UBASH3A: variants seen among roughly 807,000 people sequenced by gnomAD.
The protein encoded by UBASH3A is ubiquitin associated and SH3 domain containing A.
A neutral mutation model predicts 73.5 loss-of-function variants in UBASH3A; 63 were observed. The ratio of observed to expected loss-of-function variants is 0.86; its 90% CI spans 0.70 to 1.06. The LOEUF (loss-of-function observed/expected upper bound fraction) is 1.06, where lower values mean the gene tolerates loss of function less well. Ranked by LOEUF, UBASH3A falls within the 50% of genes least tolerant of loss-of-function variation. The pLI, the probability that UBASH3A is intolerant of heterozygous loss-of-function variation, is 0.00. For synonymous variants in UBASH3A, 363 were observed against 351.1 expected (o/e 1.03, Z -0.38); for missense variants, 860 against 859.0 (o/e 1.00, Z -0.02).
intron 7 of UBASH3A, among the ~76,000 whole-genome samples, chr21:42,421,385 C>G (rs56313465): frequency 0.02 from 3,085 of 152,318 alleles, 103 homozygotes; most frequent in African/African-American, 0.07. Context: ...TGGAAAAACA[C>G]CATCGTGGCC....
In UBASH3A at chr21:42,413,584, G is replaced by T; in HGVS notation, c.667+61G>T. 1 of 1,259,596 alleles carries T rather than the reference G, an allele frequency of 7.9e-7. No individual in the cohort carries two copies. The highest frequency in any genetic ancestry group is 1.1e-6 in the Non-Finnish European group (1 of 879,986). 78.0% of individuals were successfully genotyped at this position (1,259,596 alleles called of 1,614,324 possible). On this transcript the variant is annotated intron_variant, in intron 5 of 14. Coordinates refer to ENST00000319294, the MANE Select transcript of UBASH3A (RefSeq NM_018961.4). The surrounding 1 kb of genome is among the most constrained non-coding windows in gnomAD (Gnocchi z 4.5). ...CTTCTCTTTAGGCGGGAATAGCCTT[G>T]TTCTCATTATGTGGTTTTTAAAATG...
intron 11 of UBASH3A, among the ~76,000 whole-genome samples, chr21:42,438,538 G>A (rs577110474): frequency 6.6e-6 from 1 of 152,278 alleles, no homozygotes; most frequent in East Asian, 1.9e-4. Flanking sequence ...TTCCAGCTTA[G>A]ACCGGGAGTA....
rs554148189 is a variant in UBASH3A at position 42,434,926 on chromosome 21, G to A, written c.1365G>A (p.Ser455=). Residue 455 remains serine, a synonymous_variant, in exon 10 of 15, where the codon TCG becomes TCA. Coordinates refer to ENST00000319294, the MANE Select transcript of UBASH3A (RefSeq NM_018961.4). ...TTGAAAACGATCCCCCATTATCATC[G>A]TGTGGCATTTTCCAGTCCAGAATTG... ...KDFENDPPLS[S]CGIFQSRIAG... The A allele has an allele frequency of 4.8e-5, 78 of 1,614,176 alleles. No individual in the cohort carries two copies. In the East Asian group the frequency reaches 1.3e-3, roughly 27 times the overall value.
intron 8 of UBASH3A, among the ~76,000 whole-genome samples, chr21:42,428,412 G>A (rs2839511): frequency 0.16 from 23,594 of 151,998 alleles, 2,366 homozygotes; most frequent in Middle Eastern, 0.24. Flanking sequence ...GGCGATCAGC[G>A]TTCACCATGT....
At chr21:42,404,774 T>C (rs1466153973) in intron 1 of UBASH3A, among the ~76,000 whole-genome samples, 1 of 152,154 alleles carries the variant, frequency 6.6e-6, no homozygotes, top group Non-Finnish European at 1.5e-5. Flanking sequence ...GAGTGTCTGA[T>C]AACGAAACAA....
intron 11 of UBASH3A, among the ~76,000 whole-genome samples, chr21:42,441,887 G>A (rs950864171): frequency 5.3e-5 from 8 of 152,164 alleles, no homozygotes; most frequent in Non-Finnish European, 1.2e-4. Context: ...AAAAAGAGAT[G>A]GCCTTACTTT....
intron 10 of UBASH3A, 43 bp from the exon 11 acceptor site, chr21:42,437,445 G>A: frequency 6.3e-7 from 1 of 1,574,830 alleles, no homozygotes. Context: ...TCAGAGGCTA[G>A]AATTATGAAG....
At chr21:42,420,938 T>C (rs1292665214) in intron 7 of UBASH3A, among the ~76,000 whole-genome samples, 2 of 152,242 alleles carry the variant, frequency 1.3e-5, no homozygotes, top group Non-Finnish European at 2.9e-5. Context: ...CTGTGTGTGA[T>C]GCTTAGGATG....
intron 10 of UBASH3A, among the ~76,000 whole-genome samples, chr21:42,436,126 G>A (rs1331714273): frequency 6.6e-6 from 1 of 152,070 alleles, no homozygotes; most frequent in Non-Finnish European, 1.5e-5. Context: ...TAGTGTTACA[G>A]AGTTATAGAG....
At chr21:42,411,269 A>G (rs1368584477) in intron 3 of UBASH3A, among the ~76,000 whole-genome samples, 1 of 151,934 alleles carries the variant, frequency 6.6e-6, no homozygotes, top group East Asian at 1.9e-4. Flanking sequence ...TACACACTAC[A>G]TGTACATAGG....
At chr21:42,437,454 A>AG (rs1221899424) in intron 10 of UBASH3A, 34 bp from the exon 11 acceptor site, 1 of 1,585,622 alleles carries the variant, frequency 6.3e-7, no homozygotes, top group African/African-American at 1.3e-5. Flanking sequence ...AGAATTATGA[A>AG]GGGGCATTTT....
chr21:42,435,662 A>G (rs557889470), intron 10 of UBASH3A, among the ~76,000 whole-genome samples: 1 of 152,308 alleles, frequency 6.6e-6, no homozygotes, highest in East Asian at 1.9e-4. Flanking sequence ...AGAGTTATAG[A>G]GTTAGAGTTA....
rs17114930 is a variant in UBASH3A at position 42,437,492 on chromosome 21, C to G, written c.1398C>G (p.Asp466Glu). ...GCCTTTTTCACTATTTTCCAGGGGACGCGCTACTGGACAGTGGTATCAGAA... is the reference window on the plus strand; with the variant it reads ...GCCTTTTTCACTATTTTCCAGGGGAGGCGCTACTGGACAGTGGTATCAGAA... ...CGIFQSRIAG[D>E]ALLDSGIRIS... The change falls in exon 11 of 15, where the codon GAC becomes GAG. Residue 466 changes from aspartate to glutamate, a missense_variant. Physicochemically the swap from Asp to Glu is conservative, Grantham distance 45. Coordinates refer to ENST00000319294, the MANE Select transcript of UBASH3A (RefSeq NM_018961.4). 0.041 allele frequency: 66,392 copies of G among 1,613,400 alleles called. 2,047 individuals carry two copies. Among genetic ancestry groups the G allele is most frequent in the African/African-American group, 0.15 (11,146 of 74,976 alleles).
chr21:42,443,464 G>T, intron 13 of UBASH3A, 46 bp downstream of exon 13: 1 of 1,491,426 alleles, frequency 6.7e-7, no homozygotes, highest in Non-Finnish European at 9.0e-7. Flanking sequence ...TGGGGCTTGG[G>T]GAATTATCTC....
chr21:42,415,596 CG>C (rs2053185793), intron 5 of UBASH3A, among the ~76,000 whole-genome samples: 1 of 152,188 alleles, frequency 6.6e-6, no homozygotes, highest in South Asian at 2.1e-4. Context: ...TGCACCGACA[CG>C]GCGTCTCTAG....
intron 7 of UBASH3A, 120 bp from the exon 8 acceptor site, chr21:42,426,577 G>C: frequency 8.4e-7 from 1 of 1,186,998 alleles, no homozygotes; most frequent in South Asian, 1.5e-5. Flanking sequence ...TGTGCTCATG[G>C]GAACCTTTCT....
In UBASH3A at chr21:42,409,427, A is replaced by G. The variant is rs550246935; in HGVS notation, c.173A>G (p.His58Arg). ...CGGCTTGCTCTCTGTTGCAGGCTGC[A>G]TGATCATTGCAATGACCCTTCCCTA... ...KTAEEALAWLHDHCNDPSLDD... is the reference protein window; with the variant it reads ...KTAEEALAWLRDHCNDPSLDD... The change falls in exon 3 of 15, where the codon CAT becomes CGT. Residue 58 changes from histidine to arginine, a missense_variant. Physicochemically the swap from His to Arg is conservative, Grantham distance 29. Transcript: ENST00000319294. 1.9e-6 allele frequency: 3 copies of G among 1,583,912 alleles called. No homozygotes were observed. The highest frequency in any genetic ancestry group is 2.2e-5 in the East Asian group (1 of 44,530).
rs183352904 is a variant in UBASH3A, at chr21:42,439,125, C to A, written c.1486+1545C>A. 3.9e-5 allele frequency among the ~76,000 whole-genome samples: 6 copies of A among 152,274 alleles called. No homozygotes were observed. The East Asian group carries it at 9.6e-4, about 24-fold the overall frequency. On this transcript the variant is annotated intron_variant, in intron 11 of 14. Coordinates refer to ENST00000319294, the MANE Select transcript of UBASH3A (RefSeq NM_018961.4). The stretch of plus-strand genomic sequence containing the variant: ...GTGCCCAGGAAGCCCCAGCCAGGAG[C>A]GGACCTGGTTCCACCCCGGAGCCTC...
intron 11 of UBASH3A, among the ~76,000 whole-genome samples, chr21:42,439,879 A>G (rs1387213185): frequency 7.2e-6 from 1 of 139,240 alleles, no homozygotes; most frequent in African/African-American, 2.8e-5. Context: ...AACATACAAC[A>G]CGCTGAACAC....
Sources: gnomAD v4.1 joint callset for allele counts (sites outside exome capture counted in the v4.1 genomes callset) on GRCh38, gnomAD v4.1.1 for gene constraint, Gnocchi (gnomAD v3.1) non-coding constraint, MANE v1.5 for transcripts, NCBI Gene and HGNC (gene_info 2026-07-23, HGNC 2026-07-21) for gene names.